Variants in TMEM236 observed in about 807,000 individuals in gnomAD.
The protein encoded by TMEM236 is family with sequence similarity 23, member A.
TMEM236 carries 11 observed loss-of-function variants against 14.7 expected under a neutral mutation model. That is an observed-to-expected ratio of 0.75 (90% confidence interval 0.47 to 1.24). The LOEUF is 1.24. Ranked by LOEUF, TMEM236 falls within the 50% of genes most tolerant of loss-of-function variation. TMEM236 has a pLI of 0.00. For missense variants in TMEM236, 464 were observed against 427.3 expected, an observed-to-expected ratio of 1.09 and a Z score of -0.76; for synonymous variants, 182 against 168.6, an observed-to-expected ratio of 1.08 and a Z score of -0.62.
chr10:17,771,265 A>T, intron 1 of TMEM236, 44 bp from the exon 2 acceptor site: 1 of 1,572,894 alleles, frequency 6.4e-7, no homozygotes. Context: ...GGAACTGTCG[A>T]TCTTGTCCAT....
chr10:17,765,400 A>G (rs1355410076), intron 1 of TMEM236, among the ~76,000 whole-genome samples: 1 of 152,130 alleles, frequency 6.6e-6, no homozygotes, highest in East Asian at 1.9e-4. Flanking sequence ...CATCAACTCT[A>G]AGTCCCAAAT....
chr10:17,754,824 AT>A (rs1224197514), intron 1 of TMEM236, among the ~76,000 whole-genome samples: 1 of 152,050 alleles, frequency 6.6e-6, no homozygotes, highest in Non-Finnish European at 1.5e-5. Context: ...ATATTAATGT[AT>A]TTTTCCTTTT....
At chr10:17,754,188 T>C (rs1837249726) in intron 1 of TMEM236, among the ~76,000 whole-genome samples, 1 of 152,224 alleles carries the variant, frequency 6.6e-6, no homozygotes, top group Admixed American at 6.5e-5. Context: ...GATGGTAATG[T>C]AGAATTTTAA....
intron 3 of TMEM236, among the ~76,000 whole-genome samples, chr10:17,782,965 T>C (rs1837777992): frequency 2.0e-5 from 3 of 152,280 alleles, no homozygotes; most frequent in African/African-American, 7.2e-5. Context: ...CCTGAGGCGA[T>C]GTGCTTGAGT....
At chr10:17,768,625 T>A (rs911294101) in intron 1 of TMEM236, among the ~76,000 whole-genome samples, 33 of 152,084 alleles carry the variant, frequency 2.2e-4, no homozygotes, top group Non-Finnish European at 4.7e-4. Flanking sequence ...GGTCCGGGCT[T>A]CCACAGAACT....
At chr10:17,767,307 A>T (rs1360703809) in intron 1 of TMEM236, among the ~76,000 whole-genome samples, 1 of 152,116 alleles carries the variant, frequency 6.6e-6, no homozygotes, top group Non-Finnish European at 1.5e-5. Context: ...CTAAAAATAC[A>T]AAAATTAGCC....
intron 1 of TMEM236, among the ~76,000 whole-genome samples, chr10:17,761,619 G>A (rs1325829334): frequency 3.3e-5 from 5 of 151,488 alleles, no homozygotes; most frequent in African/African-American, 9.7e-5. Flanking sequence ...GCTGGAACCC[G>A]GGAGGCAGAG....
chr10:17,757,461 T>A (rs914956937), intron 1 of TMEM236, among the ~76,000 whole-genome samples: 261 of 152,058 alleles, frequency 1.7e-3, no homozygotes, highest in African/African-American at 6.1e-3. Flanking sequence ...TAGCCAGGCA[T>A]GGTGGTACGT....
chr10:17,756,231 G>A (rs962192289), intron 1 of TMEM236, among the ~76,000 whole-genome samples: 3 of 152,200 alleles, frequency 2.0e-5, no homozygotes, highest in African/African-American at 4.8e-5. Flanking sequence ...TCTAGCCTGG[G>A]TGACAGATGG....
At position 17,797,412 on chromosome 10, in the gene TMEM236, G is replaced by C. The variant is rs1314084717; in HGVS notation, c.*908G>C. Reference sequence around the variant, plus strand: ...GGGTTCAAGCGATTCTCCTGCCTCAGCCTCCCAAGTAGCTGGGAATACAGG... The same window carrying C: ...GGGTTCAAGCGATTCTCCTGCCTCACCCTCCCAAGTAGCTGGGAATACAGG... On this transcript the variant is annotated 3_prime_UTR_variant, in exon 4 of 4. Coordinates refer to ENST00000377495, the MANE Select transcript of TMEM236 (RefSeq NM_001098844.3). 6.6e-6 allele frequency: 1 copy of C among 151,738 alleles called. No homozygotes were observed. Among genetic ancestry groups the C allele is most frequent in the Non-Finnish European group, 1.5e-5 (1 of 68,066 alleles). 9.4% of individuals were successfully genotyped at this position (151,738 alleles called of 1,614,324 possible). A position where few individuals can be genotyped will look rare whatever the true frequency, so the allele number is the denominator to read the frequency against.
chr10:17,761,203 A>G (rs1020025156), intron 1 of TMEM236, among the ~76,000 whole-genome samples: 17 of 151,942 alleles, frequency 1.1e-4, no homozygotes, highest in African/African-American at 3.4e-4. Flanking sequence ...TGGTCCCCCA[A>G]ATTTTCATAT....
Position 17,752,263 on chromosome 10 carries a change from T to C in TMEM236, c.-33T>C. On this transcript the variant is annotated 5_prime_UTR_variant, in exon 1 of 4. Coordinates refer to ENST00000377495, the MANE Select transcript of TMEM236 (RefSeq NM_001098844.3). ...ATGCTGCCCACAGTCAAAGAGGGAG[T>C]CCCAGGTTCTTGGCAGCTTGCTTTT... 1 of 1,613,690 alleles carries C rather than the reference T, an allele frequency of 6.2e-7. No homozygotes were observed. The highest frequency in any genetic ancestry group is 2.2e-5 in the East Asian group (1 of 44,846).
chr10:17,777,842 A>C (rs1282926874), intron 3 of TMEM236, among the ~76,000 whole-genome samples: 1 of 151,634 alleles, frequency 6.6e-6, no homozygotes, highest in East Asian at 1.9e-4. Context: ...GGGTTTAAGC[A>C]ATTCTCCTGC....
chr10:17,754,181 G>A (rs965179712), intron 1 of TMEM236, among the ~76,000 whole-genome samples: 8 of 152,080 alleles, frequency 5.3e-5, no homozygotes, highest in African/African-American at 1.9e-4. Flanking sequence ...ATCAGAAGAT[G>A]GTAATGTAGA....
intron 1 of TMEM236, among the ~76,000 whole-genome samples, chr10:17,755,174 T>C: frequency 6.6e-6 from 1 of 151,348 alleles, no homozygotes; most frequent in East Asian, 1.9e-4. Flanking sequence ...TGGTCTTGAA[T>C]TCCTGACCTC....
rs568482278 is a variant in TMEM236, at chr10:17,775,532, G to A, written c.331-497G>A. On this transcript the variant is annotated intron_variant, in intron 2 of 3. Transcript: ENST00000377495. ...CAAGCAATCCTCCCACCTCAGCCCC[G>A]CAAAGTGCTGGGATTATAGGTGTGA... is the stretch of plus-strand genomic sequence containing the variant. 6.4e-3 allele frequency among the ~76,000 whole-genome samples: 971 copies of A among 152,272 alleles called. 10 individuals are homozygous for A. The highest frequency in any genetic ancestry group is 0.022 in the African/African-American group (918 of 41,550).
intron 1 of TMEM236, among the ~76,000 whole-genome samples, chr10:17,764,879 C>T (rs1470242037): frequency 2.3e-5 from 3 of 133,256 alleles, no homozygotes; most frequent in African/African-American, 8.4e-5. Context: ...GTCTCCCAGG[C>T]TGGAGTGCAG....
chr10:17,752,538 A>G lies in TMEM236; in HGVS notation c.243A>G (p.Arg81=). The G allele has an allele frequency of 1.9e-6, 3 of 1,613,812 alleles. No homozygotes were observed. The highest frequency in any genetic ancestry group is 2.2e-5 in the South Asian group (2 of 91,068). The change falls in exon 1 of 4, where the codon AGA becomes AGG. Residue 81 remains arginine (R), a synonymous_variant. Transcript: ENST00000377495. ...VILHKKRYIY[R]KIKGWRPVLM... is the part of the protein sequence containing the mutation. ...TGCACAAGAAACGTTATATTTACAG[A>G]AAAATTAAAGGATGGTAAGTAAAAG...
chr10:17,795,938 A>G lies in TMEM236; in HGVS notation c.490A>G (p.Ile164Val). The G allele has an allele frequency of 1.2e-6, 2 of 1,613,988 alleles. No homozygotes were observed. The highest frequency in any genetic ancestry group is 1.7e-6 in the Non-Finnish European group (2 of 1,179,852). ...AATTGCAGGTAGTGAAAATGGACAC[A>G]TCCATTCAACCTCTTTGCAACACAT... ...GSQKSSENGH[I>V]HSTSLQHIKT... The change falls in exon 4 of 4, where the codon ATC becomes GTC. Residue 164 changes from isoleucine (I) to valine (V), a missense_variant. By Grantham distance (29) the Ile-to-Val change is conservative. Transcript: ENST00000377495.
Sources: gnomAD v4.1 joint callset for allele counts (sites outside exome capture counted in the v4.1 genomes callset) on GRCh38, gnomAD v4.1.1 for gene constraint, MANE v1.5 for transcripts, NCBI Gene and HGNC (gene_info 2026-07-23, HGNC 2026-07-21) for gene names.